The following CFAP47 variants were observed in gnomAD, a reference collection of about 807,000 sequenced individuals.
CFAP47 encodes the protein cilia- and flagella-associated protein 47.
In CFAP47, 29 loss-of-function variants were observed where a neutral mutation model predicts 148.1. That is an observed-to-expected ratio of 0.20 (90% CI 0.15 to 0.27). The LOEUF is 0.27. Among genes scored for constraint, CFAP47 ranks in the 10% least tolerant of loss-of-function variants. CFAP47 has a pLI of 1.00. For missense variants in CFAP47, 1,872 were observed against 1,697.5 expected, an observed-to-expected ratio of 1.10 and a Z score of -1.81; for synonymous variants, 664 against 577.3, an observed-to-expected ratio of 1.15 and a Z score of -2.15.
chrX:35,962,266 C>T (rs542838849), intron 8 of CFAP47, among the ~76,000 whole-genome samples: 2 of 111,655 alleles, frequency 1.8e-5, no homozygotes, highest in South Asian at 3.7e-4. Context: ...ATTCAAAGTG[C>T]GAATGTGTAC....
intron 57 of CFAP47, among the ~76,000 whole-genome samples, chrX:36,337,898 G>A (rs1420498542): frequency 3.7e-5 from 3 of 81,534 alleles, no homozygotes; most frequent in Non-Finnish European, 6.5e-5. Flanking sequence ...ATGGAGTCTC[G>A]CTCTGTCGCC....
At chrX:36,347,775 T>C (rs1012225597) in intron 57 of CFAP47, among the ~76,000 whole-genome samples, 5 of 109,149 alleles carry the variant, frequency 4.6e-5, no homozygotes, top group African/African-American at 1.7e-4. Flanking sequence ...CACCATGGCC[T>C]GTTGTGGGGT....
intron 33 of CFAP47, among the ~76,000 whole-genome samples, chrX:36,113,840 C>T (rs1483792080): frequency 1.1e-4 from 11 of 102,539 alleles, no homozygotes; most frequent in African/African-American, 3.6e-4. Flanking sequence ...TTTGGAGTCT[C>T]GCTCTGTCGC....
Position 36,104,523 on chromosome X carries a change from C to T in CFAP47, c.5152C>T (p.Pro1718Ser). 1 of 961,392 alleles carries T rather than the reference C, an allele frequency of 1.0e-6. No individual in the cohort carries two copies. The highest frequency in any genetic ancestry group is 1.4e-6 in the Non-Finnish European group (1 of 706,562). The allele number at this position is 961,392 out of a possible 1,213,427, so 79.2% of individuals were successfully genotyped here. A position where few individuals can be genotyped will look rare whatever the true frequency, so the allele number is the denominator to read the frequency against. ...GGTTTTGGTTCTATCCCGTGTAGTGCCATACTGCAGCAATAATATGCCCCC... is the reference window on the plus strand; with the variant it reads ...GGTTTTGGTTCTATCCCGTGTAGTGTCATACTGCAGCAATAATATGCCCCC... ...YKVLVLSRVV[P>S]YCSNNMPPIC... The change falls in exon 33 of 64, where the codon CCA becomes TCA. Residue 1718 changes from proline to serine, a missense_variant. Pro to Ser is a moderately conservative substitution (Grantham distance 74). Coordinates refer to ENST00000378653, the MANE Select transcript of CFAP47 (RefSeq NM_001304548.2).
At chrX:35,924,295 G>A (rs760179003) in intron 1 of CFAP47, among the ~76,000 whole-genome samples, 1 of 100,901 alleles carries the variant, frequency 9.9e-6, no homozygotes, top group Admixed American at 1.0e-4. Context: ...ACATGTATGT[G>A]TACACATATG....
intron 36 of CFAP47, among the ~76,000 whole-genome samples, chrX:36,147,165 A>G (rs1253676363): frequency 8.9e-6 from 1 of 112,462 alleles, no homozygotes; most frequent in Non-Finnish European, 1.9e-5. Flanking sequence ...CGAGACATTC[A>G]AAAAGCAGTT....
intron 3 of CFAP47, among the ~76,000 whole-genome samples, chrX:35,947,381 TC>T (rs1297930343): frequency 9.4e-6 from 1 of 106,177 alleles, no homozygotes. Context: ...CCACATTTGC[TC>T]ATTCTAGGGC....
At chrX:36,049,981 G>A (rs140741826) in intron 26 of CFAP47, among the ~76,000 whole-genome samples, 1,829 of 111,704 alleles carry the variant, frequency 0.016, 45 homozygotes, top group African/African-American at 0.057. Flanking sequence ...TCCCCTGCAC[G>A]CTCTCTCTTG....
chrX:35,953,084 C>T (rs1039577034), intron 6 of CFAP47, among the ~76,000 whole-genome samples: 2 of 112,227 alleles, frequency 1.8e-5, no homozygotes, highest in Non-Finnish European at 3.8e-5. Flanking sequence ...GCCTTCCTTT[C>T]CTTTTCTCCT....
chrX:36,229,560 T>C (rs965375762), intron 46 of CFAP47, among the ~76,000 whole-genome samples: 12 of 111,603 alleles, frequency 1.1e-4, no homozygotes, highest in Non-Finnish European at 2.3e-4. Flanking sequence ...AGAAAGAACA[T>C]GTAGTCATCA....
At chrX:36,274,724 C>T (rs59447298) in intron 49 of CFAP47, among the ~76,000 whole-genome samples, 4,885 of 111,742 alleles carry the variant, frequency 0.044, 304 homozygotes, top group African/African-American at 0.15. Flanking sequence ...TTGCTGAATG[C>T]TTTAACAAGT....
At chrX:36,077,091 G>T (rs1937873432) in intron 29 of CFAP47, among the ~76,000 whole-genome samples, 1 of 104,397 alleles carries the variant, frequency 9.6e-6, no homozygotes. Context: ...TGTTCCGTTG[G>T]TCTTTGTGTC....
intron 49 of CFAP47, among the ~76,000 whole-genome samples, chrX:36,275,339 G>C (rs1174274049): frequency 9.1e-6 from 1 of 110,049 alleles, no homozygotes; most frequent in Admixed American, 9.8e-5. Flanking sequence ...CTCCCAAAGT[G>C]CTGGGACTAC....
intron 45 of CFAP47, among the ~76,000 whole-genome samples, chrX:36,220,422 C>CAT (rs782328782): frequency 9.1e-6 from 1 of 110,218 alleles, no homozygotes; most frequent in Non-Finnish European, 1.9e-5. Flanking sequence ...TATATGTATA[C>CAT]ATATATATGT....
At chrX:36,104,454 A>G (rs371692093) in intron 32 of CFAP47, 45 bp from the exon 33 acceptor site, 26 of 464,072 alleles carry the variant, frequency 5.6e-5, no homozygotes, top group Middle Eastern at 3.8e-4. Flanking sequence ...TTAATTTGCT[A>G]TTTTTCCATT....
chrX:36,251,422 T>A lies in CFAP47; in HGVS notation c.7422T>A (p.Pro2474=), dbSNP rs1555998226. 4.0e-6 allele frequency: 2 copies of A among 504,815 alleles called. No homozygotes were observed. The highest frequency in any genetic ancestry group is 7.4e-5 in the East Asian group (2 of 27,200). The allele number at this position is 504,815 out of a possible 1,213,427, so 41.6% of individuals were successfully genotyped here. Residue 2474 remains proline (P), a synonymous_variant, in exon 49 of 64, where the codon CCT becomes CCA. Transcript: ENST00000378653. Reference sequence around the variant, plus strand: ...TTCTGTACCTGATTCATGTGCGCCCTTGGAAACGTGGTATATTGAAAGGTA... The same window carrying A: ...TTCTGTACCTGATTCATGTGCGCCCATGGAAACGTGGTATATTGAAAGGTA... ...KEILYLIHVR[P]WKRGILKGTI...
chrX:36,188,496 G>A, intron 40 of CFAP47, 124 bp from the exon 41 acceptor site: 1 of 287,886 alleles, frequency 3.5e-6, no homozygotes, highest in Non-Finnish European at 6.1e-6. Context: ...TATGTCTATG[G>A]TCTTTTCATA....
At chrX:36,117,025 C>CAA (rs1938652618) in intron 33 of CFAP47, among the ~76,000 whole-genome samples, 1 of 111,754 alleles carries the variant, frequency 8.9e-6, no homozygotes, top group Non-Finnish European at 1.9e-5. Flanking sequence ...CTGTGCCTGG[C>CAA]TTATTTCACT....
chrX:35,925,822 A>G (rs1014097521), intron 1 of CFAP47, among the ~76,000 whole-genome samples, 195 bp from the exon 2 acceptor site: 2 of 111,560 alleles, frequency 1.8e-5, no homozygotes, highest in African/African-American at 6.5e-5. Flanking sequence ...ACGCCCGGCT[A>G]GTTTTTTGTA....
Sources: allele counts gnomAD v4.1 joint callset (sites outside exome capture counted in the v4.1 genomes callset), GRCh38; gene constraint gnomAD v4.1.1; transcripts MANE v1.5; gene names NCBI Gene and HGNC (gene_info 2026-07-23, HGNC 2026-07-21).